TAB3: variants seen among roughly 807,000 people sequenced by gnomAD.
The protein encoded by TAB3 is TGF-beta-activated kinase 1 and MAP3K7-binding protein 3.
Under a neutral mutation model 48.1 loss-of-function variants are expected in TAB3, and 18 were observed. The ratio of observed to expected loss-of-function variants is 0.37; its 90% CI spans 0.26 to 0.55. TAB3 has a LOEUF of 0.55. Ranked by LOEUF, TAB3 falls within the 20% of genes least tolerant of loss-of-function variation. The pLI, the probability that TAB3 is intolerant of heterozygous loss-of-function variation, is 0.78. For synonymous variants in TAB3, 185 were observed against 190.2 expected (o/e 0.97, Z 0.22); for missense variants, 414 against 549.8 (o/e 0.75, Z 2.47).
At chrX:30,859,406 G>C in intron 5 of TAB3, 81 bp downstream of exon 5, 1 of 560,737 alleles carries the variant, frequency 1.8e-6, no homozygotes, top group Middle Eastern at 4.2e-4. Flanking sequence ...AAACATACCT[G>C]GGTTCTAATT....
chrX:30,875,649 C>A (rs1367326777), intron 1 of TAB3, among the ~76,000 whole-genome samples: 1 of 112,073 alleles, frequency 8.9e-6, no homozygotes, highest in African/African-American at 3.2e-5. Flanking sequence ...AGAGGGATTT[C>A]ATCTTTTGAG....
intron 4 of TAB3, among the ~76,000 whole-genome samples, chrX:30,862,538 T>C (rs1004572823): frequency 9.0e-6 from 1 of 111,465 alleles, no homozygotes; most frequent in African/African-American, 3.3e-5. Context: ...ACTTCAGAGA[T>C]CTTGAGAGCG....
intron 7 of TAB3, among the ~76,000 whole-genome samples, chrX:30,848,026 C>G (rs980821058): frequency 8.9e-6 from 1 of 112,338 alleles, no homozygotes; most frequent in Non-Finnish European, 1.9e-5. Context: ...TATACTTGAA[C>G]ATTTAAATTA....
intron 10 of TAB3, among the ~76,000 whole-genome samples, chrX:30,831,981 T>C (rs2041940440): frequency 8.9e-6 from 1 of 112,030 alleles, no homozygotes; most frequent in Non-Finnish European, 1.9e-5. Flanking sequence ...TATAATACTA[T>C]CCACACTATA....
intron 4 of TAB3, among the ~76,000 whole-genome samples, chrX:30,864,761 C>T (rs1939351654): frequency 9.0e-6 from 1 of 111,224 alleles, no homozygotes; most frequent in African/African-American, 3.3e-5. Context: ...ATTCAGCCCA[C>T]AGATCTGCCT....
At chrX:30,858,316 T>A (rs779383034) in intron 5 of TAB3, among the ~76,000 whole-genome samples, 1 of 111,814 alleles carries the variant, frequency 8.9e-6, no homozygotes, top group South Asian at 3.7e-4. Flanking sequence ...CATCCTTATT[T>A]GGTTTCACTC....
intron 1 of TAB3, among the ~76,000 whole-genome samples, 167 bp downstream of exon 1, chrX:30,888,947 C>CCCCGCAGTT (rs1940216341): frequency 8.8e-6 from 1 of 113,263 alleles, no homozygotes; most frequent in East Asian, 2.8e-4. Flanking sequence ...CCTCCGGCAG[C>CCCCGCAGTT]CCCGCAGTTC....
chrX:30,834,116 C>T lies in TAB3; in HGVS notation c.1925G>A (p.Arg642Gln), dbSNP rs1938115029. The change falls in exon 10 of 11, where the codon CGA becomes CAA. Residue 642 changes from arginine to glutamine, a missense_variant. Coordinates refer to ENST00000288422, the MANE Select transcript of TAB3 (RefSeq NM_152787.5). ...SDPCTIERKA[R>Q]RISVTSKVQA... ...TACTTTGGAGGTCACGCTAATTCTT[C>T]GGGCTTTTCTCTCAATTGTGCAGGG... 5 of 1,209,654 alleles carry T rather than the reference C, an allele frequency of 4.1e-6. No homozygotes were observed. The highest frequency in any genetic ancestry group is 1.8e-5 in the South Asian group (1 of 56,803).
rs1252554051 is a variant in TAB3, at chrX:30,830,990, G to C, written c.*437C>G. ...GAAGCAATGGGAAGAAGCACGGGGA[G>C]CCTTGGTTTTCCAGAGAGCGGTGAC... On this transcript the variant is annotated 3_prime_UTR_variant, in exon 11 of 11. Coordinates refer to ENST00000288422, the MANE Select transcript of TAB3 (RefSeq NM_152787.5). 9.6e-6 allele frequency: 1 copy of C among 103,776 alleles called. No individual in the cohort carries two copies. The highest frequency in any genetic ancestry group is 2.0e-5 in the Non-Finnish European group (1 of 51,238). 8.6% of individuals were successfully genotyped at this position (103,776 alleles called of 1,213,427 possible). A position where few individuals can be genotyped will look rare whatever the true frequency, so the allele number is the denominator to read the frequency against.
chrX:30,884,129 T>C (rs1940066527), intron 1 of TAB3, among the ~76,000 whole-genome samples: 1 of 111,615 alleles, frequency 9.0e-6, no homozygotes, highest in Admixed American at 9.5e-5. Context: ...GCTCTCTCCC[T>C]GAACCTCTCA....
chrX:30,868,851 AAATAAC>A (rs1939583169), intron 2 of TAB3, among the ~76,000 whole-genome samples: 1 of 107,109 alleles, frequency 9.3e-6, no homozygotes, highest in Non-Finnish European at 1.9e-5. Context: ...AGTAGAGCTA[AAATAAC>A]ATACCCTGTG....
intron 9 of TAB3, among the ~76,000 whole-genome samples, chrX:30,840,714 C>T (rs1251471077): frequency 1.8e-5 from 2 of 111,298 alleles, no homozygotes; most frequent in African/African-American, 6.5e-5. Flanking sequence ...TTGTGAGGCC[C>T]GCCCAGTCTT....
chrX:30,857,537 T>C (rs964486163), intron 5 of TAB3, among the ~76,000 whole-genome samples: 3 of 111,368 alleles, frequency 2.7e-5, no homozygotes, highest in Non-Finnish European at 3.8e-5. Context: ...CTGATATTTT[T>C]ATTAATAACC....
rs4578123 is a variant in TAB3, at chrX:30,879,071, A to T, written c.-382-7270T>A. Among the ~76,000 whole-genome samples the T allele has an allele frequency of 5.0e-3, 554 of 111,827 alleles. 2 individuals carry two copies. Among genetic ancestry groups the T allele is most frequent in the East Asian group, 0.03 (109 of 3,587 alleles). ...AAAAAGAGCAAAATAATTCCTAAAA[A>T]GGTATATAAAATATACTGAATATAA... On this transcript the variant is annotated intron_variant, in intron 1 of 10. Transcript: ENST00000288422.
chrX:30,847,835 A>G (rs1190651565), intron 7 of TAB3, among the ~76,000 whole-genome samples: 1 of 111,677 alleles, frequency 9.0e-6, no homozygotes, highest in Non-Finnish European at 1.9e-5. Context: ...AAAGTTTAAA[A>G]TAAGTGATAA....
At chrX:30,868,089 G>A (rs1388211216) in intron 2 of TAB3, among the ~76,000 whole-genome samples, 1 of 103,012 alleles carries the variant, frequency 9.7e-6, no homozygotes, top group African/African-American at 3.5e-5. Context: ...TAGAGACGGG[G>A]TTTCACCATA....
chrX:30,846,386 C>T (rs1001873212), intron 8 of TAB3, 165 bp downstream of exon 8: 37 of 392,360 alleles, frequency 9.4e-5, no homozygotes, highest in Middle Eastern at 1.2e-3. Context: ...TTTTTTCATC[C>T]CCAAATCTGA....
rs775812562 is a variant in TAB3, at chrX:30,846,561, AAGG to A, written c.1791_1793del (p.Leu598del). The A allele has an allele frequency of 8.4e-7, 1 of 1,192,585 alleles. No homozygotes were observed. The highest frequency in any genetic ancestry group is 2.2e-5 in the Admixed American group (1 of 45,691). ...TAATCAAGTCTATACCTCTAGATTG[AAGG>A]AGGTCAACTTCTTTCAGTGTACAGT... On this transcript the variant is annotated inframe_deletion, in exon 8 of 11. Transcript: ENST00000288422.
intron 1 of TAB3, among the ~76,000 whole-genome samples, chrX:30,873,481 C>T (rs957719672): frequency 9.7e-6 from 1 of 103,266 alleles, no homozygotes; most frequent in African/African-American, 3.6e-5. Context: ...GCGGAGATCG[C>T]GCCACAGCAC....
Sources: allele counts gnomAD v4.1 joint callset (sites outside exome capture counted in the v4.1 genomes callset), GRCh38; gene constraint gnomAD v4.1.1; transcripts MANE v1.5; gene names NCBI Gene and HGNC (gene_info 2026-07-23, HGNC 2026-07-21).